SLC4A9: variants seen among roughly 807,000 people sequenced by gnomAD.
SLC4A9 encodes the protein anion exchange protein 4.
Under a neutral mutation model 103.2 loss-of-function variants are expected in SLC4A9, and 102 were observed. The ratio of observed to expected loss-of-function variants is 0.99; its 90% CI spans 0.84 to 1.17. SLC4A9 has a LOEUF of 1.17. SLC4A9 is among the 50% of genes most tolerant of loss of function. The probability of loss-of-function intolerance (pLI) is 0.00; values close to 1 mark genes in which losing one functional copy is unlikely to be tolerated. For missense variants in SLC4A9, 1,091 were observed against 1,193.7 expected, an observed-to-expected ratio of 0.91 and a Z score of 1.27; for synonymous variants, 453 against 483.6, an observed-to-expected ratio of 0.94 and a Z score of 0.83.
chr5:140,370,431 C>T (rs1241420478), intron 17 of SLC4A9, among the ~76,000 whole-genome samples: 2 of 150,290 alleles, frequency 1.3e-5, no homozygotes, highest in African/African-American at 4.9e-5. Context: ...AGCCACATCA[C>T]TCCAGTCTGG....
At chr5:140,365,782 A>T in intron 12 of SLC4A9, 52 bp from the exon 13 acceptor site, 6 of 1,566,734 alleles carry the variant, frequency 3.8e-6, no homozygotes, top group Non-Finnish European at 5.2e-6. Flanking sequence ...CCAGGAGAGC[A>T]GGACATTTAC....
Position 140,367,705 on chromosome 5 carries a change from CACCACT to C in SLC4A9, c.2176-11_2176-6del. 3 of 1,613,568 alleles carry C rather than the reference CACCACT, an allele frequency of 1.9e-6. No homozygotes were observed. In the South Asian group the frequency reaches 3.3e-5, roughly 18 times the overall value. On this transcript the variant is annotated splice_polypyrimidine_tract_variant and intron_variant, in intron 15 of 21. Transcript: ENST00000506757. ...GGGCTAGCTTCATCCTCATTGCCCC[CACCACT>C]ACCTGCAGAAGGGAGCTGGCTTCCA...
chr5:140,361,072 C>G (rs1210111574), intron 2 of SLC4A9, 100 bp downstream of exon 2: 90 of 1,293,690 alleles, frequency 7.0e-5, no homozygotes, highest in Non-Finnish European at 9.1e-5. Flanking sequence ...CATCCCTACC[C>G]CTCCTAGGAT....
chr5:140,366,599 T>G (rs1358939625), intron 14 of SLC4A9, among the ~76,000 whole-genome samples: 1 of 152,216 alleles, frequency 6.6e-6, no homozygotes, highest in Non-Finnish European at 1.5e-5. Context: ...CCTCAATTTC[T>G]TCGTCTATAA....
rs1233714128 is a variant in SLC4A9 at position 140,360,473 on chromosome 5, T to C, written c.230+7T>C. The C allele has an allele frequency of 6.4e-7, 1 of 1,563,686 alleles. No individual in the cohort carries two copies. The highest frequency in any genetic ancestry group is 8.7e-7 in the Non-Finnish European group (1 of 1,153,618). On this transcript the variant is annotated splice_region_variant and intron_variant, in intron 1 of 21. Coordinates refer to ENST00000506757, the MANE Select transcript of SLC4A9 (RefSeq NM_031467.3). ...AGTGGAGAGAGACAGGCAGGTAAGT[T>C]GGATGCAGGCCAGTTCTGTGGGATC...
chr5:140,360,709 C>A, intron 1 of SLC4A9, 103 bp from the exon 2 acceptor site: 1 of 1,553,326 alleles, frequency 6.4e-7, no homozygotes, highest in East Asian at 2.3e-5. Context: ...CCACTGGGCC[C>A]AGGATGCCCT....
chr5:140,365,570 GT>G lies in SLC4A9; in HGVS notation c.1703del (p.Val568GlufsTer5). ...RTRPKDRDDIVSMDLGLINAS... is the reference protein window; with the variant it reads ...RTRPKDRDDIXSMDLGLINAS... ...AAGGCCAAAAGACAGAGACGACATTGTAAGCATGGTGAGGGACTGCTCCTGG... is the reference window on the plus strand; with the variant it reads ...AAGGCCAAAAGACAGAGACGACATTGAAGCATGGTGAGGGACTGCTCCTGG... On this transcript the variant is annotated frameshift_variant, in exon 12 of 22. Coordinates refer to ENST00000506757, the MANE Select transcript of SLC4A9 (RefSeq NM_031467.3). LOFTEE classifies it high-confidence loss of function. The G allele has an allele frequency of 6.2e-7, 1 of 1,611,452 alleles. No individual in the cohort carries two copies. Among genetic ancestry groups the G allele is most frequent in the South Asian group, 1.1e-5 (1 of 90,464 alleles).
At chr5:140,373,972 T>A (rs1769111653) in intron 21 of SLC4A9, among the ~76,000 whole-genome samples, 1 of 151,652 alleles carries the variant, frequency 6.6e-6, no homozygotes, top group Admixed American at 6.6e-5. Context: ...GGTGGGTGGA[T>A]CACTTGAGTT....
rs1766925976 is a variant in SLC4A9, at chr5:140,360,663, G to A, written c.231-149G>A. 3.8e-6 allele frequency: 5 copies of A among 1,327,022 alleles called. No homozygotes were observed. The South Asian group carries it at 6.9e-5, about 18-fold the overall frequency. The allele number at this position is 1,327,022 out of a possible 1,614,324, so 82.2% of individuals were successfully genotyped here. Reference sequence around the variant, plus strand: ...TTTTGAGATCCCCAAGACCCTAGATGAGGGGTGACTGCCAGGGTGGGGGGG... The same window carrying A: ...TTTTGAGATCCCCAAGACCCTAGATAAGGGGTGACTGCCAGGGTGGGGGGG... On this transcript the variant is annotated intron_variant, in intron 1 of 21. Transcript: ENST00000506757.
rs527887499 is a variant in SLC4A9 at position 140,370,593 on chromosome 5, G to A, written c.2428-502G>A. ...AGAGTGCCAGGGGCTACTTTAGATG[G>A]GGCCTGAAGTTAAAAAGTCAATGAA... On this transcript the variant is annotated intron_variant, in intron 17 of 21. Coordinates refer to ENST00000506757, the MANE Select transcript of SLC4A9 (RefSeq NM_031467.3). 2.6e-5 allele frequency among the ~76,000 whole-genome samples: 4 copies of A among 152,290 alleles called. No individual in the cohort carries two copies. In the South Asian group the frequency reaches 8.3e-4, roughly 32 times the overall value.
intron 15 of SLC4A9, 44 bp from the exon 16 acceptor site, chr5:140,367,676 G>C (rs1768093631): frequency 1.2e-6 from 2 of 1,610,234 alleles, no homozygotes; most frequent in Non-Finnish European, 1.7e-6. Context: ...GAGGGCTGGG[G>C]CCTGGGCTAG....
intron 17 of SLC4A9, 104 bp downstream of exon 17, chr5:140,368,763 T>C: frequency 3.2e-6 from 3 of 931,252 alleles, no homozygotes; most frequent in Non-Finnish European, 4.9e-6. Flanking sequence ...GGTGCTCTGT[T>C]AAGTTTTCTC....
chr5:140,374,841 TG>T lies in SLC4A9; in HGVS notation c.*64del, dbSNP rs1769273463. On this transcript the variant is annotated 3_prime_UTR_variant, in exon 22 of 22. Transcript: ENST00000506757. ...TTAACTTCCAGATGCTCAGTCGGCT[TG>T]GGGAAGGACTGAAGGGCAGCTGCCA... The T allele has an allele frequency of 6.6e-6, 1 of 152,166 alleles. No individual in the cohort carries two copies. The highest frequency in any genetic ancestry group is 1.5e-5 in the Non-Finnish European group (1 of 68,040). The allele number at this position is 152,166 out of a possible 1,614,324, so 9.4% of individuals were successfully genotyped here. A position where few individuals can be genotyped will look rare whatever the true frequency, so the allele number is the denominator to read the frequency against.
rs1029995470 is a variant in SLC4A9, at chr5:140,363,877, T to C, written c.1229T>C (p.Leu410Pro). 1.2e-6 allele frequency: 2 copies of C among 1,613,826 alleles called. No individual in the cohort carries two copies. Among genetic ancestry groups the C allele is most frequent in the African/African-American group, 2.7e-5 (2 of 74,914 alleles). The part of the protein sequence containing the change: ...VTNAITFGGL[L>P]GDATDGAQGV... ...AATGCCATCACTTTTGGGGGTCTGCTGGGAGATGCCACTGATGGTGCCCAG... is the reference window on the plus strand; with the variant it reads ...AATGCCATCACTTTTGGGGGTCTGCCGGGAGATGCCACTGATGGTGCCCAG... Residue 410 changes from leucine to proline, a missense_variant, in exon 9 of 22, where the codon CTG (leucine) becomes CCG (proline). Transcript: ENST00000506757. This position sits in a 1 kb window ranked among gnomAD's most constrained non-coding sequence, Gnocchi z 4.5.
At chr5:140,373,047 T>A (rs1432527707) in intron 21 of SLC4A9, among the ~76,000 whole-genome samples, 1 of 152,168 alleles carries the variant, frequency 6.6e-6, no homozygotes. Context: ...TCCCTGTGGT[T>A]CTGAAGTTTG....
Position 140,368,616 on chromosome 5 carries a change from T to G in SLC4A9, c.2384T>G (p.Phe795Cys). Residue 795 changes from phenylalanine (F) to cysteine (C), a missense_variant, in exon 17 of 22, where the codon TTC becomes TGC. By Grantham distance (205) the Phe-to-Cys change is radical (BLOSUM62 -2). Coordinates refer to ENST00000506757, the MANE Select transcript of SLC4A9 (RefSeq NM_031467.3). The part of the protein sequence containing the change: ...REQRLTGLVV[F>C]ILTGASIFLA... ...CAGAGGCTGACAGGCCTGGTGGTGT[T>G]CATCCTTACAGGAGCCTCCATCTTC... 6.2e-7 allele frequency: 1 copy of G among 1,613,448 alleles called. No individual in the cohort carries two copies.
Position 140,364,564 on chromosome 5 carries a change from T to A in SLC4A9, c.1590T>A (p.Tyr530Ter). 1 of 1,604,284 alleles carries A rather than the reference T, an allele frequency of 6.2e-7. No homozygotes were observed. Among genetic ancestry groups the A allele is most frequent in the South Asian group, 1.1e-5 (1 of 89,636 alleles). ...VGKMLNLTHT[Y>*]PIQKPGSSAY... ...AAATGCTGAACTTGACCCATACCTA[T>A]CCTATCCAGAAGCCTGGGTCCTCTG... The change falls in exon 11 of 22, where the codon TAT becomes TAA. Residue 530 changes from tyrosine (Y) to a stop codon, truncating the protein, a stop_gained. Coordinates refer to ENST00000506757, the MANE Select transcript of SLC4A9 (RefSeq NM_031467.3). LOFTEE classifies it high-confidence loss of function.
chr5:140,368,794 C>G (rs1768280861), intron 17 of SLC4A9, 135 bp downstream of exon 17: 3 of 653,324 alleles, frequency 4.6e-6, no homozygotes, highest in East Asian at 3.0e-5. Flanking sequence ...CTCATTTAAT[C>G]CTCACATTAA....
At chr5:140,373,545 G>A (rs1769044755) in intron 21 of SLC4A9, among the ~76,000 whole-genome samples, 3 of 152,144 alleles carry the variant, frequency 2.0e-5, no homozygotes, top group African/African-American at 7.2e-5. Flanking sequence ...AAGGTGGGGT[G>A]GTGGTGGTTG....
Sources: gnomAD v4.1 joint callset for allele counts (sites outside exome capture counted in the v4.1 genomes callset) on GRCh38, gnomAD v4.1.1 for gene constraint, Gnocchi (gnomAD v3.1) non-coding constraint, MANE v1.5 for transcripts, NCBI Gene and HGNC (gene_info 2026-07-23, HGNC 2026-07-21) for gene names.